Variants in LRIG2 observed in about 807,000 individuals in gnomAD.
LRIG2 encodes leucine-rich repeats and immunoglobulin-like domains protein 2.
Under a neutral mutation model 107.8 loss-of-function variants are expected in LRIG2, and 93 were observed. The ratio of observed to expected loss-of-function variants is 0.86; its 90% CI spans 0.73 to 1.03. LRIG2 has a LOEUF of 1.03. Ranked by LOEUF, LRIG2 falls within the 50% of genes least tolerant of loss-of-function variation. The pLI, the probability that LRIG2 is intolerant of heterozygous loss-of-function variation, is 0.00. For missense variants in LRIG2, 1,226 were observed against 1,296.0 expected (o/e 0.95, Z 0.83); for synonymous variants, 471 against 470.6 (o/e 1.00, Z -0.01).
intron 9 of LRIG2, among the ~76,000 whole-genome samples, chr1:113,099,490 T>A (rs1381771128): frequency 6.6e-6 from 1 of 152,066 alleles, no homozygotes; most frequent in African/African-American, 2.4e-5. Flanking sequence ...TCCTCCCACC[T>A]TGGCCTCCCA....
At chr1:113,119,943 G>A (rs1655174946) in intron 17 of LRIG2, among the ~76,000 whole-genome samples, 1 of 151,904 alleles carries the variant, frequency 6.6e-6, no homozygotes, top group South Asian at 2.1e-4. Context: ...CCAAGAAGCT[G>A]GGACTACAGG....
chr1:113,096,591 A>G (rs980337803), intron 8 of LRIG2, among the ~76,000 whole-genome samples: 1 of 152,210 alleles, frequency 6.6e-6, no homozygotes, highest in Non-Finnish European at 1.5e-5. Flanking sequence ...AGTTAATCCC[A>G]TAAGCATCAA....
At position 113,073,631 on chromosome 1, in the gene LRIG2, C is replaced by T; in HGVS notation, c.225C>T (p.Pro75=). The change falls in exon 1 of 18, where the codon CCC becomes CCT. Residue 75 remains proline, a synonymous_variant. Coordinates refer to ENST00000361127, the MANE Select transcript of LRIG2 (RefSeq NM_014813.3). ...SWRALSGLLP[P]DTAILDFSHN... Reference sequence around the variant, plus strand: ...GGGCGCTGTCGGGCTTGCTGCCCCCCGACACCGCTATCCTGTGAGTAGAGC... The same window carrying T: ...GGGCGCTGTCGGGCTTGCTGCCCCCTGACACCGCTATCCTGTGAGTAGAGC... The T allele has an allele frequency of 1.2e-6, 2 of 1,612,686 alleles. No homozygotes were observed. Among genetic ancestry groups the T allele is most frequent in the Middle Eastern group, 1.7e-4 (1 of 6,060 alleles).
chr1:113,086,697 C>T (rs1156423680), intron 1 of LRIG2, among the ~76,000 whole-genome samples: 1 of 152,152 alleles, frequency 6.6e-6, no homozygotes, highest in African/African-American at 2.4e-5. Flanking sequence ...TACTAAACGA[C>T]TACATTAATG....
chr1:113,074,993 T>G (rs6537772), intron 1 of LRIG2, among the ~76,000 whole-genome samples: 137,728 of 150,608 alleles, frequency 0.91, 63,842 homozygotes, highest in South Asian at 0.98. Context: ...TGAGGCGGGC[T>G]GATCACCTAA....
chr1:113,080,918 A>G (rs1259035283), intron 1 of LRIG2, among the ~76,000 whole-genome samples: 1 of 134,614 alleles, frequency 7.4e-6, no homozygotes, highest in African/African-American at 2.9e-5. Flanking sequence ...ATGTTGGCTC[A>G]CTGCAACCTG....
intron 1 of LRIG2, among the ~76,000 whole-genome samples, chr1:113,084,029 TAATAATA>T (rs1653418501): frequency 7.0e-6 from 1 of 142,794 alleles, no homozygotes; most frequent in Non-Finnish European, 1.5e-5. Context: ...ATAATAATAA[TAATAATA>T]ATAATATTGG....
intron 13 of LRIG2, among the ~76,000 whole-genome samples, chr1:113,112,248 G>A (rs1007571100): frequency 1.3e-5 from 2 of 152,140 alleles, no homozygotes; most frequent in African/African-American, 2.4e-5. Context: ...AGCTATGATT[G>A]CGCCAGTGTA....
Position 113,094,347 on chromosome 1 carries a change from G to A in LRIG2, c.524G>A (p.Ser175Asn). Reference sequence around the variant, plus strand: ...TATCTTGTTTATTTTAGGAATTTAAGTAATAACAGAATAACCACCTTGGAG... The same window carrying A: ...TATCTTGTTTATTTTAGGAATTTAAATAATAACAGAATAACCACCTTGGAG... Reference protein sequence around the residue: ...PRMQLKYLNLSNNRITTLEAG... With the variant: ...PRMQLKYLNLNNNRITTLEAG... Residue 175 changes from serine (S) to asparagine (N), a missense_variant, in exon 5 of 18, where the codon AGT becomes AAT. This residue lies in a region of LRIG2 where 570 missense variants were observed against 550.2 expected (regional missense o/e 1.04). Coordinates refer to ENST00000361127, the MANE Select transcript of LRIG2 (RefSeq NM_014813.3). 1 of 1,597,794 alleles carries A rather than the reference G, an allele frequency of 6.3e-7. No homozygotes were observed. The highest frequency in any genetic ancestry group is 1.8e-5 in the Admixed American group (1 of 55,332).
intron 12 of LRIG2, among the ~76,000 whole-genome samples, chr1:113,109,708 G>A (rs1654689781): frequency 3.3e-5 from 5 of 151,956 alleles, no homozygotes; most frequent in Admixed American, 6.6e-5. Flanking sequence ...TAGAAGTGAC[G>A]GGGTTTCGCC....
intron 8 of LRIG2, among the ~76,000 whole-genome samples, chr1:113,098,344 A>T (rs914288918): frequency 2.0e-5 from 3 of 152,170 alleles, no homozygotes; most frequent in African/African-American, 4.8e-5. Flanking sequence ...TAAGCCATAT[A>T]CCCTGCATCT....
chr1:113,105,961 GGCTCAC>G (rs1304947531), intron 11 of LRIG2, among the ~76,000 whole-genome samples: 1 of 152,206 alleles, frequency 6.6e-6, no homozygotes, highest in Non-Finnish European at 1.5e-5. Flanking sequence ...CAGGCATGGT[GGCTCAC>G]GCCTGTAATC....
intron 9 of LRIG2, among the ~76,000 whole-genome samples, chr1:113,099,154 C>T (rs1156338562): frequency 1.3e-5 from 2 of 151,342 alleles, no homozygotes; most frequent in Non-Finnish European, 2.9e-5. Flanking sequence ...CCAGGCTGGT[C>T]TTGAACTCCT....
chr1:113,083,420 A>G (rs1210974501), intron 1 of LRIG2, among the ~76,000 whole-genome samples: 4 of 139,726 alleles, frequency 2.9e-5, no homozygotes, highest in Non-Finnish European at 4.5e-5. Flanking sequence ...ATCTTGGCTC[A>G]CTGCAACCTC....
rs1239009345 is a variant in LRIG2 at position 113,124,061 on chromosome 1, G to A, written c.3158G>A (p.Ser1053Asn). Residue 1053 changes from serine to asparagine, a missense_variant, in exon 18 of 18, where the codon AGT becomes AAT. By Grantham distance (46) the Ser-to-Asn change is conservative. Around this residue, in one of 3 missense-constraint regions of LRIG2, gnomAD observed 642 missense variants for 712.2 expected, o/e 0.90. Transcript: ENST00000361127. ...HRLQDHAFDF[S>N]RTRNIQDGSE... ...TTACAGGATCATGCTTTTGATTTTAGTAGGACTCGGAACATTCAAGATGGT... is the reference window on the plus strand; with the variant it reads ...TTACAGGATCATGCTTTTGATTTTAATAGGACTCGGAACATTCAAGATGGT... The A allele has an allele frequency of 3.1e-6, 5 of 1,614,120 alleles. No homozygotes were observed. In the East Asian group the frequency reaches 1.1e-4, roughly 36 times the overall value.
At chr1:113,112,908 AG>A in intron 14 of LRIG2, 148 bp downstream of exon 14, 1 of 827,362 alleles carries the variant, frequency 1.2e-6, no homozygotes, top group East Asian at 2.8e-5. Context: ...AGGTTATGTC[AG>A]TCTAGGAATT....
In LRIG2 at chr1:113,124,842, TAACTC is replaced by T. The variant is rs762702883; in HGVS notation, c.*744_*748del. 2 of 152,184 alleles carry T rather than the reference TAACTC, an allele frequency of 1.3e-5. No individual in the cohort carries two copies. Among genetic ancestry groups the T allele is most frequent in the Non-Finnish European group, 2.9e-5 (2 of 68,032 alleles). The allele number at this position is 152,184 out of a possible 1,614,324, so 9.4% of individuals were successfully genotyped here. On this transcript the variant is annotated 3_prime_UTR_variant, in exon 18 of 18. Coordinates refer to ENST00000361127, the MANE Select transcript of LRIG2 (RefSeq NM_014813.3). Reference sequence around the variant, plus strand: ...AGCTTCTCAGATCACAGATTTTAAATAACTCAATTTAGTGAGATCTAAAAATTTTA... The same window carrying T: ...AGCTTCTCAGATCACAGATTTTAAATAATTTAGTGAGATCTAAAAATTTTA...
At position 113,124,310 on chromosome 1, in the gene LRIG2, A is replaced by G; in HGVS notation, c.*209A>G. On this transcript the variant is annotated 3_prime_UTR_variant, in exon 18 of 18. Coordinates refer to ENST00000361127, the MANE Select transcript of LRIG2 (RefSeq NM_014813.3). ...TGACAGAAATGGGTACAGCTCATCA[A>G]AAATGTGCAGCACCGGCAGAGGGAA... 1 of 588,028 alleles carries G rather than the reference A, an allele frequency of 1.7e-6. No individual in the cohort carries two copies. The highest frequency in any genetic ancestry group is 3.0e-6 in the Non-Finnish European group (1 of 330,430). 36.4% of individuals were successfully genotyped at this position (588,028 alleles called of 1,614,324 possible).
chr1:113,110,443 A>G lies in LRIG2; in HGVS notation c.1679A>G (p.Glu560Gly), dbSNP rs1188726489. ...RYWQQAGEAL[E>G]YTSILHLFNV... The stretch of plus-strand genomic sequence containing the variant: ...TGGCAGCAAGCTGGAGAAGCTCTGG[A>G]ATATACTAGTATCTTACATCTTTTC... Residue 560 changes from glutamate to glycine, a missense_variant, in exon 13 of 18, where the codon GAA becomes GGA. Physicochemically the swap from Glu to Gly is moderately conservative, Grantham distance 98. Coordinates refer to ENST00000361127, the MANE Select transcript of LRIG2 (RefSeq NM_014813.3). 1 of 1,614,036 alleles carries G rather than the reference A, an allele frequency of 6.2e-7. No individual in the cohort carries two copies. Among genetic ancestry groups the G allele is most frequent in the South Asian group, 1.1e-5 (1 of 91,080 alleles).
Sources: gnomAD v4.1 joint callset for allele counts (sites outside exome capture counted in the v4.1 genomes callset) on GRCh38, gnomAD v4.1.1 for gene constraint, gnomAD v4.1.1 regional missense constraint, MANE v1.5 for transcripts, NCBI Gene and HGNC (gene_info 2026-07-23, HGNC 2026-07-21) for gene names.